The following EIF4A3 variants were observed in gnomAD, a reference collection of about 807,000 sequenced individuals.
EIF4A3 encodes the protein eukaryotic initiation factor 4A-III.
A neutral mutation model predicts 55.6 loss-of-function variants in EIF4A3; 1 was observed. That is an observed-to-expected ratio of 0.02 (90% CI 0.01 to 0.09). EIF4A3 has a LOEUF of 0.09. Ranked by LOEUF, EIF4A3 falls within the 10% of genes least tolerant of loss-of-function variation. The pLI is 1.00. For synonymous variants in EIF4A3, 194 were observed against 196.3 expected (o/e 0.99, Z 0.10); for missense variants, 221 against 540.7 (o/e 0.41, Z 5.86).
rs369049709 is a variant in EIF4A3 at position 80,139,089 on chromosome 17, C to T, written c.660G>A (p.Thr220=). ...TCATCTCCAGAATCTCGTGTGGCAGCGTGGCACTGATGAGAACCACCTGTG... is the reference window on the plus strand; with the variant it reads ...TCATCTCCAGAATCTCGTGTGGCAGTGTGGCACTGATGAGAACCACCTGTG... The part of the protein sequence containing the change: ...PATQVVLISA[T]LPHEILEMTN... The change falls in exon 7 of 12, where the codon ACG becomes ACA. Residue 220 remains threonine (T), a synonymous_variant. Coordinates refer to ENST00000649764, the MANE Select transcript of EIF4A3 (RefSeq NM_014740.4). The T allele has an allele frequency of 1.9e-6, 3 of 1,613,924 alleles. No individual in the cohort carries two copies. The highest frequency in any genetic ancestry group is 1.3e-5 in the African/African-American group (1 of 74,842).
chr17:80,136,215 G>A lies in EIF4A3; in HGVS notation c.1091+13C>T. The A allele has an allele frequency of 3.7e-6, 6 of 1,612,918 alleles. No homozygotes were observed. The highest frequency in any genetic ancestry group is 5.1e-6 in the Non-Finnish European group (6 of 1,178,996). On this transcript the variant is annotated intron_variant, in intron 10 of 11. Transcript: ENST00000649764. ...TGTCACAGAAGTGAAGCCAATGAGAGCTTGCACCTTACCTGTGTATGTACA... is the reference window on the plus strand; with the variant it reads ...TGTCACAGAAGTGAAGCCAATGAGAACTTGCACCTTACCTGTGTATGTACA...
chr17:80,144,041 T>C, intron 2 of EIF4A3, 131 bp downstream of exon 2: 2 of 843,454 alleles, frequency 2.4e-6, no homozygotes, highest in Non-Finnish European at 3.9e-6. Flanking sequence ...TTAAACCCTG[T>C]GGCTAAAGTC....
chr17:80,141,219 C>G, intron 4 of EIF4A3, 100 bp downstream of exon 4: 1 of 1,263,808 alleles, frequency 7.9e-7, no homozygotes, highest in East Asian at 2.4e-5. Flanking sequence ...TTTGAGGTAT[C>G]AGAAAACAGG....
chr17:80,141,286 T>C, intron 4 of EIF4A3, 33 bp downstream of exon 4: 1 of 1,592,088 alleles, frequency 6.3e-7, no homozygotes, highest in East Asian at 2.2e-5. Context: ...GCAGTACTTG[T>C]TAATCGGACA....
intron 9 of EIF4A3, 128 bp from the exon 10 acceptor site, chr17:80,136,463 A>C: frequency 1.4e-6 from 1 of 709,762 alleles, no homozygotes; most frequent in South Asian, 1.9e-5. Flanking sequence ...TCCTCTCTCA[A>C]CAGTCTGTCT....
At chr17:80,140,462 C>G in intron 4 of EIF4A3, 1 of 204,562 alleles carries the variant, frequency 4.9e-6, no homozygotes, top group Non-Finnish European at 9.9e-6. Context: ...TACAGGCGCC[C>G]GCCACCACAC....
intron 1 of EIF4A3, among the ~76,000 whole-genome samples, chr17:80,144,658 T>G (rs2039644549): frequency 6.6e-6 from 1 of 151,680 alleles, no homozygotes; most frequent in Non-Finnish European, 1.5e-5. Context: ...CAACCTATAC[T>G]ACTTTTTAAA....
intron 2 of EIF4A3, 128 bp from the exon 3 acceptor site, chr17:80,141,976 T>C (rs1443805786): frequency 1.5e-6 from 1 of 652,716 alleles, no homozygotes; most frequent in African/African-American, 1.8e-5. Flanking sequence ...TAATAACATC[T>C]TAACTGCGAG....
intron 8 of EIF4A3, 57 bp downstream of exon 8, chr17:80,138,085 C>A: frequency 6.3e-7 from 1 of 1,581,808 alleles, no homozygotes; most frequent in Admixed American, 1.8e-5. Context: ...TTATGTCATT[C>A]AGAGACTCAA....
At chr17:80,142,394 C>T (rs2039625247) in intron 2 of EIF4A3, among the ~76,000 whole-genome samples, 1 of 152,160 alleles carries the variant, frequency 6.6e-6, no homozygotes, top group South Asian at 2.1e-4. Context: ...CTTCTGCTCT[C>T]CTTTCACCTG....
In EIF4A3 at chr17:80,139,060, T is replaced by C; in HGVS notation, c.689A>G (p.Asn230Ser). Reference protein sequence around the residue: ...TLPHEILEMTNKFMTDPIRIL... With the variant: ...TLPHEILEMTSKFMTDPIRIL... Reference sequence around the variant, plus strand: ...GCGGATTGGGTCGGTCATGAACTTGTTGGTCATCTCCAGAATCTCGTGTGG... The same window carrying C: ...GCGGATTGGGTCGGTCATGAACTTGCTGGTCATCTCCAGAATCTCGTGTGG... Residue 230 changes from asparagine (N) to serine (S), a missense_variant, in exon 7 of 12, where the codon AAC becomes AGC. This residue lies in a region of EIF4A3 where 93 missense variants were observed against 278.5 expected (regional missense o/e 0.33). Transcript: ENST00000649764. 6.2e-7 allele frequency: 1 copy of C among 1,614,126 alleles called. No individual in the cohort carries two copies. Among genetic ancestry groups the C allele is most frequent in the Non-Finnish European group, 8.5e-7 (1 of 1,180,028 alleles).
chr17:80,141,224 A>T, intron 4 of EIF4A3, 95 bp downstream of exon 4: 1 of 1,326,026 alleles, frequency 7.5e-7, no homozygotes, highest in Non-Finnish European at 1.0e-6. Flanking sequence ...GGTATCAGAA[A>T]ACAGGATTGG....
At chr17:80,135,566 CG>C in intron 11 of EIF4A3, 60 bp from the exon 12 acceptor site, 2 of 1,461,432 alleles carry the variant, frequency 1.4e-6, no homozygotes, top group South Asian at 2.5e-5. Context: ...AATTTGTTAA[CG>C]TAAATTTAAC....
intron 2 of EIF4A3, among the ~76,000 whole-genome samples, chr17:80,142,670 C>T (rs1246057262): frequency 1.3e-5 from 2 of 151,926 alleles, no homozygotes; most frequent in South Asian, 2.1e-4. Flanking sequence ...CCTTAATCCT[C>T]GAAGTTAGAG....
chr17:80,139,005 CAA>C lies in EIF4A3; in HGVS notation c.728+14_728+15del. The C allele has an allele frequency of 1.2e-6, 2 of 1,612,234 alleles. No homozygotes were observed. The highest frequency in any genetic ancestry group is 1.7e-6 in the Non-Finnish European group (2 of 1,179,112). On this transcript the variant is annotated intron_variant, in intron 7 of 11. Coordinates refer to ENST00000649764, the MANE Select transcript of EIF4A3 (RefSeq NM_014740.4). ...CGGCCCAGTGTTTTAGTAAACTTGA[CAA>C]GAGGGGCTCCTACCGTTTCACCAAG...
intron 8 of EIF4A3, 39 bp from the exon 9 acceptor site, chr17:80,137,540 T>C: frequency 6.5e-7 from 1 of 1,549,914 alleles, no homozygotes. Context: ...CAAGCTAGTA[T>C]ACCAAAGCAG....
At chr17:80,144,479 A>G (rs1466285221) in intron 1 of EIF4A3, among the ~76,000 whole-genome samples, 1 of 151,692 alleles carries the variant, frequency 6.6e-6, no homozygotes, top group Non-Finnish European at 1.5e-5. Context: ...AAAAACCACC[A>G]AATTGTAGAA....
intron 2 of EIF4A3, 93 bp downstream of exon 2, chr17:80,144,079 C>G: frequency 8.1e-7 from 1 of 1,229,566 alleles, no homozygotes; most frequent in South Asian, 1.2e-5. Flanking sequence ...TGAGCGTGTA[C>G]AAGCTGAGGG....
chr17:80,141,789 T>A lies in EIF4A3; in HGVS notation c.302A>T (p.Asp101Val). ...TTAAGAATGGCAAATTACCTGAATA[T>A]CCAAACACTGGAGGACTGAGATACT... ...TFSISVLQCL[D>V]IQVRETQALI... The change falls in exon 3 of 12, where the codon GAT becomes GTT. Residue 101 changes from aspartate to valine, a missense_variant. Asp to Val is a radical substitution (Grantham distance 152, BLOSUM62 -3). Around this residue, in one of 4 missense-constraint regions of EIF4A3, gnomAD observed 85 missense variants for 205.8 expected, o/e 0.41. Coordinates refer to ENST00000649764, the MANE Select transcript of EIF4A3 (RefSeq NM_014740.4). 1 of 1,613,692 alleles carries A rather than the reference T, an allele frequency of 6.2e-7. No individual in the cohort carries two copies. Among genetic ancestry groups the A allele is most frequent in the Non-Finnish European group, 8.5e-7 (1 of 1,179,666 alleles).
Sources: allele counts gnomAD v4.1 joint callset (sites outside exome capture counted in the v4.1 genomes callset), GRCh38; gene constraint gnomAD v4.1.1; regional missense constraint gnomAD v4.1.1; transcripts MANE v1.5; gene names NCBI Gene and HGNC (gene_info 2026-07-23, HGNC 2026-07-21).